NBEA: variants seen among roughly 807,000 people sequenced by gnomAD.
The protein encoded by NBEA is neurobeachin.
In NBEA, 44 loss-of-function variants were observed where a neutral mutation model predicts 343.4. The observed-to-expected ratio is 0.13, with a 90% CI of 0.10 to 0.16. NBEA has a LOEUF of 0.16. Among genes scored for constraint, NBEA ranks in the 10% least tolerant of loss-of-function variants. The probability of loss-of-function intolerance (pLI) is 1.00; values close to 1 mark genes in which losing one functional copy is unlikely to be tolerated. For missense variants in NBEA, 2,555 were observed against 3,631.3 expected (o/e 0.70, Z 7.62); for synonymous variants, 1,175 against 1,238.7 (o/e 0.95, Z 1.08).
intron 48 of NBEA, among the ~76,000 whole-genome samples, chr13:35,611,363 G>A (rs956433550): frequency 4.6e-5 from 7 of 152,230 alleles, no homozygotes; most frequent in African/African-American, 1.7e-4. Flanking sequence ...CCATAAAAAA[G>A]AACCAAGCAC....
intron 1 of NBEA, among the ~76,000 whole-genome samples, chr13:34,967,811 G>A (rs2059873119): frequency 6.6e-6 from 1 of 151,970 alleles, no homozygotes; most frequent in African/African-American, 2.4e-5. Flanking sequence ...CACTAATTAA[G>A]TGTCCTAAAA....
At chr13:35,610,201 A>G (rs1021454666) in intron 48 of NBEA, among the ~76,000 whole-genome samples, 2 of 152,162 alleles carry the variant, frequency 1.3e-5, no homozygotes, top group African/African-American at 4.8e-5. Flanking sequence ...CAGGCTTTAA[A>G]GATAAATTGG....
At chr13:35,107,106 GA>G (rs1455828044) in intron 11 of NBEA, among the ~76,000 whole-genome samples, 1 of 151,818 alleles carries the variant, frequency 6.6e-6, no homozygotes, top group Non-Finnish European at 1.5e-5. Context: ...TAAGCTATGT[GA>G]AATTATAATT....
intron 4 of NBEA, 80 bp downstream of exon 4, chr13:35,045,481 A>G: frequency 8.8e-7 from 1 of 1,131,896 alleles, no homozygotes; most frequent in Middle Eastern, 2.1e-4. Flanking sequence ...ACATATAATA[A>G]AATTTACCAG....
intron 1 of NBEA, among the ~76,000 whole-genome samples, chr13:34,946,327 G>A (rs1440998681): frequency 6.6e-6 from 1 of 152,006 alleles, no homozygotes; most frequent in Non-Finnish European, 1.5e-5. Context: ...TACTTCTTTT[G>A]TAAACACACT....
chr13:35,563,739 G>A (rs1036708675), intron 44 of NBEA, among the ~76,000 whole-genome samples: 1 of 151,572 alleles, frequency 6.6e-6, no homozygotes, highest in African/African-American at 2.4e-5. Context: ...ATTATTGAAA[G>A]TGAATTACAA....
In NBEA at chr13:34,969,373, A is replaced by G. The variant is rs540969378; in HGVS notation, c.294+26259A>G. On this transcript the variant is annotated intron_variant, in intron 1 of 58. Coordinates refer to ENST00000379939, the MANE Select transcript of NBEA (RefSeq NM_001385012.1). ...GTTTTTTCTTTTTTTCTGGCTTGAT[A>G]GTTTTATTTTTTATTTTTTAACTTT... Among the ~76,000 whole-genome samples, 8 of 151,164 alleles carry G rather than the reference A, an allele frequency of 5.3e-5. No homozygotes were observed. In the East Asian group the frequency reaches 1.5e-3, roughly 29 times the overall value.
At position 34,983,405 on chromosome 13, in the gene NBEA, T is replaced by G. The variant is rs539355288; in HGVS notation, c.294+40291T>G. 2.0e-5 allele frequency among the ~76,000 whole-genome samples: 3 copies of G among 152,348 alleles called. No individual in the cohort carries two copies. In the East Asian group the frequency reaches 5.8e-4, roughly 29 times the overall value. The stretch of plus-strand genomic sequence containing the variant: ...CCCATGGTGTATATGTGCCATATTT[T>G]CTTAATCCAGTCTATCATTGATGGA... On this transcript the variant is annotated intron_variant, in intron 1 of 58. Coordinates refer to ENST00000379939, the MANE Select transcript of NBEA (RefSeq NM_001385012.1).
At chr13:34,960,741 G>A (rs1258773779) in intron 1 of NBEA, among the ~76,000 whole-genome samples, 1 of 152,126 alleles carries the variant, frequency 6.6e-6, no homozygotes, top group Non-Finnish European at 1.5e-5. Context: ...TAGAGCCTAT[G>A]TATGTGGGCT....
At chr13:35,573,665 A>T (rs2080560163) in intron 45 of NBEA, among the ~76,000 whole-genome samples, 1 of 152,182 alleles carries the variant, frequency 6.6e-6, no homozygotes, top group Non-Finnish European at 1.5e-5. Context: ...CTTTCAGAAA[A>T]AGAGAGGGAA....
At chr13:35,099,763 T>C (rs557714729) in intron 11 of NBEA, among the ~76,000 whole-genome samples, 4 of 152,282 alleles carry the variant, frequency 2.6e-5, no homozygotes, top group African/African-American at 9.6e-5. Flanking sequence ...ATTTATGTTG[T>C]TTTATGACCT....
intron 1 of NBEA, among the ~76,000 whole-genome samples, chr13:34,947,820 C>T (rs1308421925): frequency 1.3e-5 from 2 of 152,154 alleles, no homozygotes; most frequent in Non-Finnish European, 2.9e-5. Context: ...CTGAAATAAA[C>T]TCATATATAA....
At chr13:35,522,912 G>C (rs2077788279) in intron 41 of NBEA, among the ~76,000 whole-genome samples, 1 of 151,244 alleles carries the variant, frequency 6.6e-6, no homozygotes, top group African/African-American at 2.4e-5. Context: ...CAGAAAGGTT[G>C]AGGACTGCTG....
chr13:35,336,323 A>G (rs2039257438), intron 36 of NBEA, among the ~76,000 whole-genome samples: 1 of 151,994 alleles, frequency 6.6e-6, no homozygotes, highest in African/African-American at 2.4e-5. Flanking sequence ...ATCAATAGAA[A>G]CTCTGCTTGA....
chr13:35,367,557 T>G (rs554304403), intron 38 of NBEA, among the ~76,000 whole-genome samples: 270 of 150,818 alleles, frequency 1.8e-3, no homozygotes, highest in African/African-American at 5.4e-3. Flanking sequence ...TGTTGTTGTT[T>G]TTTTTTTTTC....
Position 34,942,859 on chromosome 13 carries a change from GCCT to G in NBEA, c.41_43del (p.Pro14del). 3 of 1,392,412 alleles carry G rather than the reference GCCT, an allele frequency of 2.2e-6. No homozygotes were observed. The highest frequency in any genetic ancestry group is 3.0e-5 in the South Asian group (2 of 65,696). 86.3% of individuals were successfully genotyped at this position (1,392,412 alleles called of 1,614,324 possible). ...AGCCGGGCCCGGGCCCGGGGCTCGA[GCCT>G]CAGCCCGTGGGGCTCATTGCCGTCG... On this transcript the variant is annotated inframe_deletion, in exon 1 of 59. Transcript: ENST00000379939.
intron 40 of NBEA, among the ~76,000 whole-genome samples, chr13:35,454,889 A>T (rs1008546110): frequency 1.7e-4 from 26 of 152,084 alleles, no homozygotes; most frequent in Middle Eastern, 6.8e-3. Flanking sequence ...AAATAAAAAT[A>T]AAAAATAAAA....
At position 35,671,058 on chromosome 13, in the gene NBEA, C is replaced by T; in HGVS notation, c.*67C>T. The T allele has an allele frequency of 1.7e-6, 2 of 1,207,260 alleles. No individual in the cohort carries two copies. The highest frequency in any genetic ancestry group is 2.4e-6 in the Non-Finnish European group (2 of 845,126). The allele number at this position is 1,207,260 out of a possible 1,614,324, so 74.8% of individuals were successfully genotyped here. A position where few individuals can be genotyped will look rare whatever the true frequency, so the allele number is the denominator to read the frequency against. ...CAAGTGCTGCATGGAAAGGCAATATCTCTGGTGGAAAAAACTCGTCTACAT... is the reference window on the plus strand; with the variant it reads ...CAAGTGCTGCATGGAAAGGCAATATTTCTGGTGGAAAAAACTCGTCTACAT... On this transcript the variant is annotated 3_prime_UTR_variant, in exon 59 of 59. Coordinates refer to ENST00000379939, the MANE Select transcript of NBEA (RefSeq NM_001385012.1).
intron 1 of NBEA, among the ~76,000 whole-genome samples, chr13:35,006,657 C>CT (rs754216216): frequency 1.2e-4 from 19 of 152,128 alleles, no homozygotes; most frequent in Non-Finnish European, 2.5e-4. Flanking sequence ...TTTACAGTCT[C>CT]TTTTTCTTTC....
Sources: allele counts gnomAD v4.1 joint callset (sites outside exome capture counted in the v4.1 genomes callset), GRCh38; gene constraint gnomAD v4.1.1; transcripts MANE v1.5; gene names NCBI Gene and HGNC (gene_info 2026-07-23, HGNC 2026-07-21).